The following ADAM32 variants were observed in gnomAD, a reference collection of about 807,000 sequenced individuals.
ADAM32 encodes the protein disintegrin and metalloproteinase domain-containing protein 32.
Under a neutral mutation model 114.9 loss-of-function variants are expected in ADAM32, and 89 were observed. The observed-to-expected ratio is 0.77, with a 90% CI of 0.65 to 0.92. ADAM32 has a LOEUF of 0.92. Ranked by LOEUF, ADAM32 falls within the 40% of genes least tolerant of loss-of-function variation. The pLI, the probability that ADAM32 is intolerant of heterozygous loss-of-function variation, is 0.00. For synonymous variants in ADAM32, 285 were observed against 307.5 expected, an observed-to-expected ratio of 0.93 and a Z score of 0.77; for missense variants, 870 against 932.8, an observed-to-expected ratio of 0.93 and a Z score of 0.88.
At chr8:39,136,466 G>A (rs894802957) in intron 2 of ADAM32, among the ~76,000 whole-genome samples, 191 bp from the exon 3 acceptor site, 1 of 152,118 alleles carries the variant, frequency 6.6e-6, no homozygotes, top group Non-Finnish European at 1.5e-5. Context: ...TGTGGAAATA[G>A]TAAAAACCAT....
chr8:39,222,957 G>A, intron 13 of ADAM32, 83 bp from the exon 14 acceptor site: 3 of 1,212,010 alleles, frequency 2.5e-6, no homozygotes, highest in Non-Finnish European at 3.4e-6. Context: ...AAGCGAAAAT[G>A]ATTAACACAA....
At chr8:39,132,051 G>T (rs1389479687) in intron 2 of ADAM32, 1 of 252,680 alleles carries the variant, frequency 4.0e-6, no homozygotes. Flanking sequence ...GCACCACCAC[G>T]CCTGGCTAAT....
intron 9 of ADAM32, chr8:39,169,701 T>A (rs2129446406): frequency 2.6e-6 from 1 of 388,830 alleles, no homozygotes; most frequent in Admixed American, 4.1e-5. Context: ...CTATTAGATA[T>A]GTTTCAGATA....
At position 39,273,234 on chromosome 8, in the gene ADAM32, G is replaced by A. The variant is rs573723170; in HGVS notation, c.2202-1078G>A. 5.3e-5 allele frequency among the ~76,000 whole-genome samples: 8 copies of A among 152,150 alleles called. No individual in the cohort carries two copies. In the South Asian group the frequency reaches 8.3e-4, roughly 16 times the overall value. On this transcript the variant is annotated intron_variant, in intron 20 of 24. Coordinates refer to ENST00000379907, the MANE Select transcript of ADAM32 (RefSeq NM_145004.7). ...AAAAAGGACAGTATAGGCCTGGCGCGGTGGCTCACTCCTGTAATCCCAGCA... is the reference window on the plus strand; with the variant it reads ...AAAAAGGACAGTATAGGCCTGGCGCAGTGGCTCACTCCTGTAATCCCAGCA...
At chr8:39,119,538 T>C (rs573867090) in intron 2 of ADAM32, among the ~76,000 whole-genome samples, 128 of 152,322 alleles carry the variant, frequency 8.4e-4, no homozygotes, top group African/African-American at 3.1e-3. Flanking sequence ...CTCAAATTAT[T>C]CTCCTGTTTT....
chr8:39,141,449 C>T (rs895368703), intron 3 of ADAM32, among the ~76,000 whole-genome samples: 1 of 152,096 alleles, frequency 6.6e-6, no homozygotes, highest in Non-Finnish European at 1.5e-5. Flanking sequence ...CATTATGAAC[C>T]CAGTAGTCAT....
intron 19 of ADAM32, among the ~76,000 whole-genome samples, chr8:39,266,736 G>A (rs1052531654): frequency 6.6e-6 from 1 of 152,180 alleles, no homozygotes; most frequent in Non-Finnish European, 1.5e-5. Flanking sequence ...GTCTTTTTGA[G>A]TTGTCAGAGT....
chr8:39,167,573 G>A (rs1191962033), intron 9 of ADAM32: 1 of 152,050 alleles, frequency 6.6e-6, no homozygotes, highest in Admixed American at 6.6e-5. Context: ...TTCTAATTCT[G>A]TGAAGAATGA....
chr8:39,212,431 A>G (rs1021826146), intron 12 of ADAM32, among the ~76,000 whole-genome samples: 16 of 152,172 alleles, frequency 1.1e-4, no homozygotes, highest in African/African-American at 3.9e-4. Context: ...TATTGGTAAA[A>G]TTAAGATGTA....
chr8:39,187,551 G>A (rs986946931), intron 11 of ADAM32, among the ~76,000 whole-genome samples: 4 of 152,180 alleles, frequency 2.6e-5, no homozygotes, highest in African/African-American at 4.8e-5. Context: ...GATTACAGGC[G>A]TGAGCCACCG....
chr8:39,230,595 C>T (rs753455650), intron 14 of ADAM32, among the ~76,000 whole-genome samples: 1 of 152,152 alleles, frequency 6.6e-6, no homozygotes, highest in Non-Finnish European at 1.5e-5. Flanking sequence ...CTCACATTCA[C>T]TATTGAACTG....
At chr8:39,204,733 T>C (rs748683984) in intron 11 of ADAM32, among the ~76,000 whole-genome samples, 10 of 152,204 alleles carry the variant, frequency 6.6e-5, no homozygotes, top group Non-Finnish European at 1.3e-4. Flanking sequence ...GCTTTTCTGC[T>C]CTGTTTTATC....
intron 10 of ADAM32, among the ~76,000 whole-genome samples, chr8:39,179,789 G>A (rs561584885): frequency 2.0e-5 from 3 of 152,190 alleles, no homozygotes; most frequent in Non-Finnish European, 4.4e-5. Context: ...CAGTCCCAGT[G>A]TAAGAACCTG....
intron 21 of ADAM32, 71 bp from the exon 22 acceptor site, chr8:39,275,757 A>T: frequency 3.6e-6 from 5 of 1,394,208 alleles, no homozygotes; most frequent in Non-Finnish European, 4.9e-6. Context: ...ATGATCCGAC[A>T]TTCATTCATT....
Position 39,183,525 on chromosome 8 carries a change from C to T in ADAM32, c.916-3384C>T, listed in dbSNP as rs1293049187. 2.6e-5 allele frequency among the ~76,000 whole-genome samples: 4 copies of T among 152,210 alleles called. No individual in the cohort carries two copies. The East Asian group carries it at 7.7e-4, about 29-fold the overall frequency. On this transcript the variant is annotated intron_variant, in intron 10 of 24. Coordinates refer to ENST00000379907, the MANE Select transcript of ADAM32 (RefSeq NM_145004.7). Reference sequence around the variant, plus strand: ...ACAGCCTCTGCCAGCTAGTATGCAGCAACTTATCTAGCAATTCCCATCCCA... The same window carrying T: ...ACAGCCTCTGCCAGCTAGTATGCAGTAACTTATCTAGCAATTCCCATCCCA...
intron 10 of ADAM32, among the ~76,000 whole-genome samples, chr8:39,183,755 T>C (rs1298565776): frequency 2.0e-5 from 3 of 152,248 alleles, no homozygotes; most frequent in African/African-American, 7.2e-5. Context: ...CAGTTGCTTC[T>C]GTGTTACAGG....
intron 14 of ADAM32, among the ~76,000 whole-genome samples, chr8:39,231,410 A>G (rs1044663934): frequency 1.3e-5 from 2 of 152,126 alleles, no homozygotes; most frequent in Non-Finnish European, 2.9e-5. Flanking sequence ...AGCCCCAGCC[A>G]GTATTTTGAT....
intron 12 of ADAM32, among the ~76,000 whole-genome samples, chr8:39,218,945 C>G (rs1808765161): frequency 1.3e-5 from 2 of 152,066 alleles, no homozygotes; most frequent in African/African-American, 4.8e-5. Context: ...ACTGTTCATT[C>G]TTTAGGGCCC....
chr8:39,118,148 A>G lies in ADAM32; in HGVS notation c.121A>G (p.Ser41Gly). The part of the protein sequence containing the change: ...PEKIQTNTND[S>G]SEIEYEQISY... ...GAAAATCCAAACAAATACAAATGAC[A>G]GTTCAGAAATAGAATATGTAAGAGA... The change falls in exon 2 of 25, where the codon AGT becomes GGT. Residue 41 changes from serine to glycine, a missense_variant. Ser to Gly is a moderately conservative substitution (Grantham distance 56, BLOSUM62 0). Transcript: ENST00000379907. 1 of 1,475,400 alleles carries G rather than the reference A, an allele frequency of 6.8e-7. No individual in the cohort carries two copies. Among genetic ancestry groups the G allele is most frequent in the Non-Finnish European group, 9.0e-7 (1 of 1,105,906 alleles). 91.4% of individuals were successfully genotyped at this position (1,475,400 alleles called of 1,614,324 possible). A position where few individuals can be genotyped will look rare whatever the true frequency, so the allele number is the denominator to read the frequency against.
Sources: gnomAD v4.1 joint callset for allele counts (sites outside exome capture counted in the v4.1 genomes callset) on GRCh38, gnomAD v4.1.1 for gene constraint, MANE v1.5 for transcripts, NCBI Gene and HGNC (gene_info 2026-07-23, HGNC 2026-07-21) for gene names.